MGAT4C: variants seen among roughly 807,000 people sequenced by gnomAD.
MGAT4C encodes alpha-1,3-mannosyl-glycoprotein 4-beta-N-acetylglucosaminyltransferase C.
In MGAT4C, 19 loss-of-function variants were observed where a neutral mutation model predicts 40.1. That is an observed-to-expected ratio of 0.47 (90% CI 0.33 to 0.70). The LOEUF is 0.70. Ranked by LOEUF, MGAT4C falls within the 30% of genes least tolerant of loss-of-function variation. The probability of loss-of-function intolerance (pLI) is 0.02; values close to 1 mark genes in which losing one functional copy is unlikely to be tolerated. For missense variants in MGAT4C, 491 were observed against 563.2 expected, an observed-to-expected ratio of 0.87 and a Z score of 1.30; for synonymous variants, 181 against 187.1, an observed-to-expected ratio of 0.97 and a Z score of 0.27.
chr12:86,716,289 G>A (rs1950644081), intron 2 of MGAT4C, among the ~76,000 whole-genome samples: 1 of 151,942 alleles, frequency 6.6e-6, no homozygotes, highest in African/African-American at 2.4e-5. Context: ...TAAAAATTAA[G>A]AAATAAACCA....
At chr12:86,614,636 T>C (rs933531541) in intron 2 of MGAT4C, among the ~76,000 whole-genome samples, 20 of 150,572 alleles carry the variant, frequency 1.3e-4, no homozygotes, top group South Asian at 2.1e-4. Flanking sequence ...AGTTAAACAA[T>C]ATATTTGCAA....
intron 2 of MGAT4C, among the ~76,000 whole-genome samples, chr12:86,567,027 A>G (rs544066749): frequency 3.5e-4 from 54 of 152,226 alleles, no homozygotes; most frequent in Admixed American, 7.9e-4. Flanking sequence ...TTAATACAAG[A>G]GTGGAATACC....
At chr12:86,585,010 T>C (rs560478167) in intron 2 of MGAT4C, among the ~76,000 whole-genome samples, 2 of 151,554 alleles carry the variant, frequency 1.3e-5, no homozygotes, top group South Asian at 4.1e-4. Context: ...ATTTTTGTTC[T>C]ACATGAATGA....
At chr12:86,251,076 G>C (rs1952252448) in intron 1 of MGAT4C, among the ~76,000 whole-genome samples, 1 of 149,214 alleles carries the variant, frequency 6.7e-6, no homozygotes, top group Non-Finnish European at 1.5e-5. Context: ...ATGCTTATAA[G>C]ATTAGTTCAT....
intron 1 of MGAT4C, among the ~76,000 whole-genome samples, chr12:86,072,804 T>C (rs1263241873): frequency 2.0e-5 from 3 of 152,228 alleles, no homozygotes; most frequent in Non-Finnish European, 4.4e-5. Flanking sequence ...TATATTGTGA[T>C]AATAGATTTA....
intron 1 of MGAT4C, among the ~76,000 whole-genome samples, chr12:86,216,449 A>G (rs993216361): frequency 2.6e-5 from 4 of 152,210 alleles, no homozygotes; most frequent in Non-Finnish European, 5.9e-5. Flanking sequence ...CTCTTGTTCC[A>G]TTGGCCAGTA....
intron 3 of MGAT4C, among the ~76,000 whole-genome samples, chr12:86,422,340 C>T (rs970821208): frequency 1.8e-4 from 28 of 152,106 alleles, no homozygotes; most frequent in Non-Finnish European, 1.8e-4. Flanking sequence ...TGGATTGTTG[C>T]CTTAATTATT....
At chr12:86,360,419 C>G (rs1233376302) in intron 3 of MGAT4C, among the ~76,000 whole-genome samples, 2 of 152,142 alleles carry the variant, frequency 1.3e-5, no homozygotes, top group Non-Finnish European at 2.9e-5. Flanking sequence ...CCTTTGAAAA[C>G]TGGCACAAGA....
At chr12:85,995,016 T>C (rs930433285) in intron 2 of MGAT4C, among the ~76,000 whole-genome samples, 4 of 152,224 alleles carry the variant, frequency 2.6e-5, no homozygotes, top group African/African-American at 2.4e-5. Flanking sequence ...CCATCTTCAG[T>C]CACTAGAAAT....
intron 2 of MGAT4C, among the ~76,000 whole-genome samples, chr12:86,005,002 C>T (rs1392842252): frequency 6.6e-6 from 1 of 152,160 alleles, no homozygotes; most frequent in Non-Finnish European, 1.5e-5. Flanking sequence ...CACCCCATGG[C>T]ACAATCCAGT....
At chr12:86,529,143 G>T (rs1958935369) in intron 2 of MGAT4C, among the ~76,000 whole-genome samples, 1 of 151,934 alleles carries the variant, frequency 6.6e-6, no homozygotes, top group East Asian at 1.9e-4. Context: ...GATCCAAAGG[G>T]GCAAGTGCAT....
chr12:86,293,877 A>G (rs1481571149), intron 4 of MGAT4C, among the ~76,000 whole-genome samples: 1 of 152,132 alleles, frequency 6.6e-6, no homozygotes, highest in East Asian at 1.9e-4. Flanking sequence ...GCCTCCTGCC[A>G]TGATTAAAGG....
At position 85,968,242 on chromosome 12, in the gene MGAT4C, G is replaced by C. The variant is rs1883456336; in HGVS notation, c.*11047C>G. 1 of 151,986 alleles carries C rather than the reference G, an allele frequency of 6.6e-6. No homozygotes were observed. 9.4% of individuals were successfully genotyped at this position (151,986 alleles called of 1,614,324 possible). A position where few individuals can be genotyped will look rare whatever the true frequency, so the allele number is the denominator to read the frequency against. On this transcript the variant is annotated 3_prime_UTR_variant, in exon 5 of 5. Transcript: ENST00000611864. ...TGTTTAGTTAATTTTGTGGAAAGAGGAAGGCAGCTCAGTTTACAAACAGCA... is the reference window on the plus strand; with the variant it reads ...TGTTTAGTTAATTTTGTGGAAAGAGCAAGGCAGCTCAGTTTACAAACAGCA...
At chr12:86,675,293 C>A (rs541077001) in intron 2 of MGAT4C, among the ~76,000 whole-genome samples, 1 of 152,096 alleles carries the variant, frequency 6.6e-6, no homozygotes, top group Non-Finnish European at 1.5e-5. Flanking sequence ...ACTCTCTCTT[C>A]GTAAAAAGAG....
chr12:86,774,247 C>T (rs1423106094), intron 1 of MGAT4C, among the ~76,000 whole-genome samples: 1 of 150,628 alleles, frequency 6.6e-6, no homozygotes, highest in Non-Finnish European at 1.5e-5. Context: ...GCCACCACAC[C>T]CAGCTAGCCT....
intron 3 of MGAT4C, among the ~76,000 whole-genome samples, chr12:86,404,567 G>T (rs182590210): frequency 2.6e-5 from 4 of 152,082 alleles, no homozygotes; most frequent in South Asian, 2.1e-4. Context: ...AATTTCAAAG[G>T]CATAAGAGCT....
rs1338085341 is a variant in MGAT4C, at chr12:85,969,403, C to G, written c.*9886G>C. 1 of 151,402 alleles carries G rather than the reference C, an allele frequency of 6.6e-6. No homozygotes were observed. The highest frequency in any genetic ancestry group is 2.4e-5 in the African/African-American group (1 of 41,322). The allele number at this position is 151,402 out of a possible 1,614,324, so 9.4% of individuals were successfully genotyped here. A position where few individuals can be genotyped will look rare whatever the true frequency, so the allele number is the denominator to read the frequency against. ...AACTACCAGTTTGGTATGTTTGGGG[C>G]TGGTGTTATGAAAGACTATTATATG... On this transcript the variant is annotated 3_prime_UTR_variant, in exon 5 of 5. Transcript: ENST00000611864.
chr12:86,225,534 C>A (rs1036326873), intron 1 of MGAT4C, among the ~76,000 whole-genome samples: 2 of 151,930 alleles, frequency 1.3e-5, no homozygotes, highest in Non-Finnish European at 2.9e-5. Context: ...AACATAGATG[C>A]AAAACTCCTC....
At chr12:86,344,718 GT>G (rs1954983490) in intron 3 of MGAT4C, among the ~76,000 whole-genome samples, 5 of 7,112 alleles carry the variant, frequency 7.0e-4, no homozygotes, top group Admixed American at 1.7e-3. Flanking sequence ...TCTCTTCTCG[GT>G]GTGTGTGTGT....
Sources: allele counts gnomAD v4.1 joint callset (sites outside exome capture counted in the v4.1 genomes callset), GRCh38; gene constraint gnomAD v4.1.1; transcripts MANE v1.5; gene names NCBI Gene and HGNC (gene_info 2026-07-23, HGNC 2026-07-21).